CENPP: variants seen among roughly 807,000 people sequenced by gnomAD.
The protein encoded by CENPP is centromere protein P.
A neutral mutation model predicts 35.6 loss-of-function variants in CENPP; 24 were observed. The observed-to-expected ratio is 0.67, with a 90% CI of 0.49 to 0.95. The LOEUF (loss-of-function observed/expected upper bound fraction) is 0.95, where lower values mean the gene tolerates loss of function less well. CENPP is among the 40% of genes least tolerant of loss of function. CENPP has a pLI of 0.00. For missense variants in CENPP, 332 were observed against 345.3 expected, an observed-to-expected ratio of 0.96 and a Z score of 0.31; for synonymous variants, 120 against 125.5, an observed-to-expected ratio of 0.96 and a Z score of 0.29.
At chr9:92,382,063 A>G (rs1842261451) in intron 5 of CENPP, among the ~76,000 whole-genome samples, 1 of 151,944 alleles carries the variant, frequency 6.6e-6, no homozygotes, top group African/African-American at 2.4e-5. Flanking sequence ...TCCTTAGCCC[A>G]TTTTTGAATT....
At chr9:92,533,328 A>AATATATATATATATATATATATATATAT (rs202147064) in intron 5 of CENPP, among the ~76,000 whole-genome samples, 2 of 38,332 alleles carry the variant, frequency 5.2e-5, no homozygotes, top group African/African-American at 2.9e-4. Context: ...AAAAAAAAAA[A>AATATATATATATATATATATATATATAT]ATATATATAT....
intron 5 of CENPP, among the ~76,000 whole-genome samples, chr9:92,493,387 T>G (rs1846226116): frequency 6.6e-6 from 1 of 152,232 alleles, no homozygotes; most frequent in South Asian, 2.1e-4. Flanking sequence ...CTCCCAAGTC[T>G]CTTGGTTCCT....
rs768130443 is a variant in CENPP at position 92,415,238 on chromosome 9, C to T, written c.564+35379C>T. Reference sequence around the variant, plus strand: ...CTCTCATGAGCATTGTCAGGATCATCGTGATCTTCACTTTCATCATCATCA... The same window carrying T: ...CTCTCATGAGCATTGTCAGGATCATTGTGATCTTCACTTTCATCATCATCA... On this transcript the variant is annotated intron_variant, in intron 5 of 7. Transcript: ENST00000375587. 3.6e-5 allele frequency: 58 copies of T among 1,613,642 alleles called. No individual in the cohort carries two copies. Among genetic ancestry groups the T allele is most frequent in the Admixed American group, 6.7e-5 (4 of 59,986 alleles).
At chr9:92,387,747 C>T (rs1238336456) in intron 5 of CENPP, among the ~76,000 whole-genome samples, 2 of 151,986 alleles carry the variant, frequency 1.3e-5, no homozygotes, top group African/African-American at 4.8e-5. Context: ...AACTATAGGG[C>T]AGCTGAATTT....
chr9:92,458,914 C>T (rs189170743), intron 5 of CENPP, among the ~76,000 whole-genome samples: 5 of 151,978 alleles, frequency 3.3e-5, no homozygotes, highest in East Asian at 1.9e-4. Context: ...AAAGATACAC[C>T]GGAAAGAAAA....
At chr9:92,344,521 A>C (rs1306418843) in intron 3 of CENPP, among the ~76,000 whole-genome samples, 1 of 151,912 alleles carries the variant, frequency 6.6e-6, no homozygotes, top group Admixed American at 6.6e-5. Context: ...GCTTTGTTTC[A>C]CAAGTTTATT....
intron 4 of CENPP, among the ~76,000 whole-genome samples, chr9:92,358,360 A>C (rs1482255003): frequency 6.6e-6 from 1 of 151,914 alleles, no homozygotes; most frequent in Non-Finnish European, 1.5e-5. Context: ...CTCCTGCCTC[A>C]GCCTCCCGAG....
intron 5 of CENPP, chr9:92,502,524 C>T: frequency 6.2e-7 from 1 of 1,612,396 alleles, no homozygotes; most frequent in Non-Finnish European, 8.5e-7. Flanking sequence ...CTTGATTTAT[C>T]CAGGCTAAAG....
At chr9:92,416,105 T>TC (rs1843602964) in intron 5 of CENPP, among the ~76,000 whole-genome samples, 1 of 142,052 alleles carries the variant, frequency 7.0e-6, no homozygotes, top group East Asian at 2.0e-4. Flanking sequence ...TTTATTTTAT[T>TC]TTTTTTTTTT....
chr9:92,517,684 T>C, intron 5 of CENPP: 1 of 1,614,186 alleles, frequency 6.2e-7, no homozygotes, highest in Non-Finnish European at 8.5e-7. Flanking sequence ...TAAATCTCTG[T>C]ACCAGTAGCG....
chr9:92,458,284 A>C (rs925073227), intron 5 of CENPP, among the ~76,000 whole-genome samples: 4 of 152,206 alleles, frequency 2.6e-5, no homozygotes, highest in Non-Finnish European at 5.9e-5. Flanking sequence ...TTTCTGGGAA[A>C]TAAAAGCAAT....
In CENPP at chr9:92,440,645, A is replaced by C. The variant is rs538049326; in HGVS notation, c.564+60786A>C. On this transcript the variant is annotated intron_variant, in intron 5 of 7. Coordinates refer to ENST00000375587, the MANE Select transcript of CENPP (RefSeq NM_001012267.3). ...TAAAATTGTGAAGAAGGAAAAAGAA[A>C]CTAGTTTAGTTTCCTGTTGCACCTC... Among the ~76,000 whole-genome samples the C allele has an allele frequency of 3.3e-5, 5 of 152,312 alleles. No individual in the cohort carries two copies. In the East Asian group the frequency reaches 9.6e-4, roughly 29 times the overall value.
At chr9:92,330,449 G>C (rs1840704747) in intron 1 of CENPP, among the ~76,000 whole-genome samples, 1 of 152,018 alleles carries the variant, frequency 6.6e-6, no homozygotes, top group African/African-American at 2.4e-5. Context: ...AGAGTGTTAG[G>C]GTTTTCCTCT....
At chr9:92,422,195 C>T (rs935586098) in intron 5 of CENPP, among the ~76,000 whole-genome samples, 2 of 151,912 alleles carry the variant, frequency 1.3e-5, no homozygotes, top group Non-Finnish European at 2.9e-5. Flanking sequence ...GGATTACAGG[C>T]GTGCACCACC....
At chr9:92,415,254 A>G (rs1487197606) in intron 5 of CENPP, 2 of 1,611,938 alleles carry the variant, frequency 1.2e-6, no homozygotes, top group Non-Finnish European at 1.7e-6. Context: ...CTTCACTTTC[A>G]TCATCATCAT....
At chr9:92,523,569 G>A (rs1848207119) in intron 5 of CENPP, among the ~76,000 whole-genome samples, 1 of 152,216 alleles carries the variant, frequency 6.6e-6, no homozygotes, top group Admixed American at 6.5e-5. Flanking sequence ...GATTTATTGA[G>A]TACAATCACT....
intron 5 of CENPP, among the ~76,000 whole-genome samples, chr9:92,425,236 T>G (rs1843932643): frequency 6.6e-6 from 1 of 152,218 alleles, no homozygotes; most frequent in Non-Finnish European, 1.5e-5. Flanking sequence ...TAGAATGACT[T>G]CTAATATCCT....
intron 5 of CENPP, among the ~76,000 whole-genome samples, chr9:92,604,928 G>T (rs760415031): frequency 6.6e-6 from 1 of 151,980 alleles, no homozygotes; most frequent in Non-Finnish European, 1.5e-5. Context: ...GGCTAACCCA[G>T]AATTACACAG....
intron 4 of CENPP, among the ~76,000 whole-genome samples, chr9:92,369,813 C>A (rs1588066208): frequency 6.6e-6 from 1 of 152,056 alleles, no homozygotes; most frequent in Non-Finnish European, 1.5e-5. Flanking sequence ...AATTGGGATG[C>A]CTTTTATTTC....
Sources: gnomAD v4.1 joint callset for allele counts (sites outside exome capture counted in the v4.1 genomes callset) on GRCh38, gnomAD v4.1.1 for gene constraint, MANE v1.5 for transcripts, NCBI Gene and HGNC (gene_info 2026-07-23, HGNC 2026-07-21) for gene names.